Variants in ERCC6 observed in about 807,000 individuals in gnomAD.
ERCC6 encodes the protein ERCC excision repair 6, chromatin remodeling factor.
ERCC6 carries 116 observed loss-of-function variants against 158.7 expected under a neutral mutation model. That is an observed-to-expected ratio of 0.73 (90% confidence interval 0.63 to 0.85). The LOEUF (loss-of-function observed/expected upper bound fraction) is 0.85. Ranked by LOEUF, ERCC6 falls within the 40% of genes least tolerant of loss-of-function variation. ERCC6 has a pLI of 0.00. For synonymous variants in ERCC6, 678 were observed against 659.3 expected (o/e 1.03, Z -0.43); for missense variants, 1,698 against 1,799.4 (o/e 0.94, Z 1.02).
In ERCC6 at chr10:49,506,755, C is replaced by T. The variant is rs1441777805; in HGVS notation, c.1398-743G>A. Among the ~76,000 whole-genome samples the T allele has an allele frequency of 2.0e-5, 3 of 151,928 alleles. No homozygotes were observed. In the East Asian group the frequency reaches 5.8e-4, roughly 29 times the overall value. On this transcript the variant is annotated intron_variant, in intron 5 of 20. Transcript: ENST00000355832. ...TTGTGGAGAAGGTGCACCCATTTAA[C>T]CAGACTAATTTTGCATTTACATAAC...
At chr10:49,439,505 C>T in the ERCC6 span, among the ~76,000 whole-genome samples, 34 of 152,210 alleles carry the variant, frequency 2.2e-4, no homozygotes, top group Admixed American at 3.9e-4. Flanking sequence ...CCTAGGCCTT[C>T]GGGCCTGTGA....
Position 49,482,779 on chromosome 10 carries a change from A to T in ERCC6, c.2077T>A (p.Phe693Ile), listed in dbSNP as rs199921831. The T allele has an allele frequency of 5.8e-5, 93 of 1,613,588 alleles. No homozygotes were observed. The highest frequency in any genetic ancestry group is 7.5e-5 in the Non-Finnish European group (88 of 1,179,932). ...RELWSLFDFI[F>I]PGKLGTLPVF... ...GGCAACGTGCCTAACTTTCCCGGGA[A>T]GATGAAGTCAAAGAGCGACCACAGC... The change falls in exon 10 of 21, where the codon TTC becomes ATC. Residue 693 changes from phenylalanine to isoleucine, a missense_variant. By Grantham distance (21) the Phe-to-Ile change is conservative. Coordinates refer to ENST00000355832, the MANE Select transcript of ERCC6 (RefSeq NM_000124.4).
chr10:49,478,546 C>A, intron 10 of ERCC6, 76 bp from the exon 11 acceptor site: 1 of 858,268 alleles, frequency 1.2e-6, no homozygotes, highest in Non-Finnish European at 2.0e-6. Flanking sequence ...TCAATTGCTT[C>A]CATTCCTTAA....
In ERCC6 at chr10:49,509,719, A is replaced by T. The variant is rs560541646; in HGVS notation, c.1398-3707T>A. ...GCTGAAATCTTAAAAATTAGAAATG[A>T]CCTCAAAATGTCTAAATTCTGTTAT... On this transcript the variant is annotated intron_variant, in intron 5 of 20. Transcript: ENST00000355832. Among the ~76,000 whole-genome samples, 5 of 152,262 alleles carry T rather than the reference A, an allele frequency of 3.3e-5. No individual in the cohort carries two copies. The South Asian group carries it at 6.2e-4, about 19-fold the overall frequency.
chr10:49,462,161 G>A (rs1465456379), intron 18 of ERCC6, among the ~76,000 whole-genome samples: 1 of 152,210 alleles, frequency 6.6e-6, no homozygotes, highest in Non-Finnish European at 1.5e-5. Context: ...ACAGTTTGGT[G>A]CTGAGGAAAG....
chr10:49,496,606 G>C (rs1851270920), intron 7 of ERCC6, among the ~76,000 whole-genome samples: 1 of 152,138 alleles, frequency 6.6e-6, no homozygotes, highest in Non-Finnish European at 1.5e-5. Context: ...TCAGGAGTTT[G>C]AGACCAGCCT....
chr10:49,461,253 A>C, intron 19 of ERCC6, 99 bp downstream of exon 19: 1 of 1,211,632 alleles, frequency 8.3e-7, no homozygotes, highest in Non-Finnish European at 1.2e-6. Flanking sequence ...TTTATTCCTG[A>C]AGAGAAATAA....
chr10:49,488,642 CT>C (rs544182243), intron 8 of ERCC6, among the ~76,000 whole-genome samples: 31,851 of 135,972 alleles, frequency 0.23, 3,731 homozygotes, highest in South Asian at 0.36. Context: ...TGGCCTCTTT[CT>C]TTTTTTTTTT....
rs139509516 is a variant in ERCC6, at chr10:49,461,449, C to A, written c.3886G>T (p.Ala1296Ser). 7.4e-6 allele frequency: 12 copies of A among 1,614,102 alleles called. No homozygotes were observed. In the African/African-American group the frequency reaches 9.3e-5, roughly 13 times the overall value. Residue 1296 changes from alanine to serine, a missense_variant, in exon 19 of 21, where the codon GCA becomes TCA. Transcript: ENST00000355832. ...ANRVAQDALKALRLSRQRCLG... is the reference protein window; with the variant it reads ...ANRVAQDALKSLRLSRQRCLG... ...CACCGCTGACGAGAGAGCCTCAGTG[C>A]TTTCAGGGCATCCTGGGCCACTCGG...
Position 49,478,461 on chromosome 10 carries a change from C to A in ERCC6, c.2179G>T (p.Ala727Ser). 1 of 1,603,718 alleles carries A rather than the reference C, an allele frequency of 6.2e-7. No individual in the cohort carries two copies. The change falls in exon 11 of 21, where the codon GCT (alanine) becomes TCT (serine). Residue 727 changes from alanine to serine, a missense_variant. Coordinates refer to ENST00000355832, the MANE Select transcript of ERCC6 (RefSeq NM_000124.4). The stretch of plus-strand genomic sequence containing the variant: ...CGTAAGACACATGCACACTTGTAAG[C>A]AGTTTTGACCTTTAATAAGAGCAGA... ...SNASPVQVKT[A>S]YKCACVLRDT...
chr10:49,516,712 A>C, intron 5 of ERCC6: 5 of 1,614,084 alleles, frequency 3.1e-6, no homozygotes, highest in Non-Finnish European at 4.2e-6. Flanking sequence ...ACGGTGAAGA[A>C]ATCGTTTGGT....
At position 49,470,754 on chromosome 10, in the gene ERCC6, G is replaced by T. The variant is rs747833717; in HGVS notation, c.3206C>A (p.Ser1069Tyr). Residue 1069 changes from serine (S) to tyrosine (Y), a missense_variant, in exon 18 of 21, where the codon TCT becomes TAT. Transcript: ENST00000355832. ...TCCTTTAGCCTCAGATTTCTCTTCA[G>T]ATGATGTGGCATCATTTACAGATAT... ...SNISVNDATSSEEKSEAKGAE... is the reference protein window; with the variant it reads ...SNISVNDATSYEEKSEAKGAE... 1 of 1,614,120 alleles carries T rather than the reference G, an allele frequency of 6.2e-7. No individual in the cohort carries two copies. The highest frequency in any genetic ancestry group is 8.5e-7 in the Non-Finnish European group (1 of 1,180,032).
At chr10:49,501,927 T>C (rs1289466754) in intron 6 of ERCC6, 3 of 152,064 alleles carry the variant, frequency 2.0e-5, no homozygotes, top group Non-Finnish European at 2.9e-5. Flanking sequence ...ACCACCGGAT[T>C]CCAAACTGGG....
At chr10:49,505,108 T>C (rs1564431864) in intron 6 of ERCC6, 1 of 152,140 alleles carries the variant, frequency 6.6e-6, no homozygotes, top group Non-Finnish European at 1.5e-5. Context: ...AAAGAAGCTA[T>C]GTAATGGTTT....
intron 2 of ERCC6, 28 bp downstream of exon 2, chr10:49,532,515 T>G: frequency 6.2e-7 from 1 of 1,611,820 alleles, no homozygotes; most frequent in Non-Finnish European, 8.5e-7. Context: ...ACCACCACTT[T>G]GAAAGGAAGA....
chr10:49,520,228 G>A (rs1381606053), intron 5 of ERCC6, among the ~76,000 whole-genome samples: 2 of 152,142 alleles, frequency 1.3e-5, no homozygotes, highest in East Asian at 1.9e-4. Context: ...AGTCCTGCCC[G>A]GTGACCCCAC....
intron 1 of ERCC6, among the ~76,000 whole-genome samples, chr10:49,535,367 G>C (rs1590496619): frequency 6.6e-6 from 1 of 152,196 alleles, no homozygotes; most frequent in Non-Finnish European, 1.5e-5. Flanking sequence ...CCAAGGCTCT[G>C]ACAGGTACCT....
At chr10:49,518,232 A>G (rs1262484629) in intron 5 of ERCC6, among the ~76,000 whole-genome samples, 1 of 152,226 alleles carries the variant, frequency 6.6e-6, no homozygotes, top group African/African-American at 2.4e-5. Flanking sequence ...CAGGATAGGA[A>G]TGGGACATTG....
At chr10:49,516,621 T>C in intron 5 of ERCC6, 7 of 1,614,164 alleles carry the variant, frequency 4.3e-6, no homozygotes, top group Non-Finnish European at 5.9e-6. Context: ...ACTGCAAGCA[T>C]ATAAGTTGGA....
Sources: gnomAD v4.1 joint callset for allele counts (sites outside exome capture counted in the v4.1 genomes callset) on GRCh38, gnomAD v4.1.1 for gene constraint, MANE v1.5 for transcripts, NCBI Gene and HGNC (gene_info 2026-07-23, HGNC 2026-07-21) for gene names.